CYP39A1: variants seen among roughly 807,000 people sequenced by gnomAD.
The protein encoded by CYP39A1 is 24-hydroxycholesterol 7-alpha-hydroxylase.
A neutral mutation model predicts 58.1 loss-of-function variants in CYP39A1; 49 were observed. The observed-to-expected ratio is 0.84, with a 90% CI of 0.67 to 1.07. The LOEUF is 1.07. Ranked by LOEUF, CYP39A1 falls within the 50% of genes least tolerant of loss-of-function variation. The pLI is 0.00. For synonymous variants in CYP39A1, 209 were observed against 187.6 expected, an observed-to-expected ratio of 1.11 and a Z score of -0.93; for missense variants, 531 against 539.4, an observed-to-expected ratio of 0.98 and a Z score of 0.16.
chr6:46,615,708 A>G (rs1295671534), intron 7 of CYP39A1, among the ~76,000 whole-genome samples: 1 of 151,814 alleles, frequency 6.6e-6, no homozygotes, highest in Non-Finnish European at 1.5e-5. Flanking sequence ...CATTTTTTAG[A>G]AATGTGCTCA....
intron 8 of CYP39A1, among the ~76,000 whole-genome samples, chr6:46,591,282 ACACT>A (rs1772816971): frequency 6.6e-6 from 1 of 152,000 alleles, no homozygotes; most frequent in Non-Finnish European, 1.5e-5. Flanking sequence ...AACCTATGTG[ACACT>A]CATTCTTATT....
chr6:46,572,440 A>C (rs1771641103), intron 10 of CYP39A1, among the ~76,000 whole-genome samples: 1 of 152,220 alleles, frequency 6.6e-6, no homozygotes, highest in South Asian at 2.1e-4. Flanking sequence ...TGCCAGATAT[A>C]TCATTGGTTT....
At chr6:46,557,084 A>G (rs1770700065) in intron 10 of CYP39A1, among the ~76,000 whole-genome samples, 1 of 152,096 alleles carries the variant, frequency 6.6e-6, no homozygotes, top group Non-Finnish European at 1.5e-5. Context: ...GGATTAACAG[A>G]TGGTAAAATG....
intron 7 of CYP39A1, among the ~76,000 whole-genome samples, chr6:46,611,888 T>TA (rs753909886): frequency 1.8e-4 from 28 of 152,338 alleles, no homozygotes; most frequent in Admixed American, 9.8e-4. Context: ...TAATAGTTTT[T>TA]ACCTTAGTAT....
rs140408683 is a variant in CYP39A1 at position 46,549,717 on chromosome 6, A to G, written c.*649T>C. 57 of 152,326 alleles carry G rather than the reference A, an allele frequency of 3.7e-4. No individual in the cohort carries two copies. Among genetic ancestry groups the G allele is most frequent in the African/African-American group, 1.3e-3 (56 of 41,582 alleles). The allele number at this position is 152,326 out of a possible 1,614,324, so 9.4% of individuals were successfully genotyped here. On this transcript the variant is annotated 3_prime_UTR_variant, in exon 12 of 12. Transcript: ENST00000275016. Reference sequence around the variant, plus strand: ...AATATAAATCAATACATCAATCAACATACATTTATTGAATATACTCTGTAA... The same window carrying G: ...AATATAAATCAATACATCAATCAACGTACATTTATTGAATATACTCTGTAA...
intron 5 of CYP39A1, among the ~76,000 whole-genome samples, chr6:46,631,450 A>G (rs9472810): frequency 0.12 from 17,935 of 152,240 alleles, 1,036 homozygotes; most frequent in Middle Eastern, 0.17. Context: ...TGCTTAAAAT[A>G]AAACCTTTCA....
rs1422898490 is a variant in CYP39A1 at position 46,637,930 on chromosome 6, C to T, written c.537G>A (p.Leu179=). 1.2e-6 allele frequency: 2 copies of T among 1,612,918 alleles called. No individual in the cohort carries two copies. The highest frequency in any genetic ancestry group is 3.3e-5 in the Admixed American group (2 of 59,704). ...TGATTTTTTTCTTGTTTGTGGAAAA[C>T]AAACTTTTATTAAAGAGCATATTCA... ...VTVNMLFNKS[L]FSTNKKKIKE... The change falls in exon 4 of 12, where the codon TTG becomes TTA. Residue 179 remains leucine, a synonymous_variant. Coordinates refer to ENST00000275016, the MANE Select transcript of CYP39A1 (RefSeq NM_016593.5).
chr6:46,634,611 T>G (rs1049233511), intron 5 of CYP39A1, among the ~76,000 whole-genome samples: 1 of 145,968 alleles, frequency 6.9e-6, no homozygotes, highest in African/African-American at 2.5e-5. Flanking sequence ...AACCTCCGCC[T>G]CCCAGGTTCA....
At position 46,584,128 on chromosome 6, in the gene CYP39A1, T is replaced by C. The variant is rs182634883; in HGVS notation, c.1250+2949A>G. On this transcript the variant is annotated intron_variant, in intron 10 of 11. Coordinates refer to ENST00000275016, the MANE Select transcript of CYP39A1 (RefSeq NM_016593.5). ...ATTTGCTTTCCTGAACAATTTGCTA[T>C]TTTATTTCTCTTTAGAAACAAAACA... is the stretch of plus-strand genomic sequence containing the variant. 5.2e-3 allele frequency among the ~76,000 whole-genome samples: 790 copies of C among 152,280 alleles called. 5 individuals carry two copies. Among genetic ancestry groups the C allele is most frequent in the Non-Finnish European group, 8.3e-3 (567 of 68,024 alleles).
chr6:46,569,626 A>T (rs2150492603), intron 10 of CYP39A1, among the ~76,000 whole-genome samples: 1 of 152,164 alleles, frequency 6.6e-6, no homozygotes, highest in African/African-American at 2.4e-5. Context: ...CCATTGATAT[A>T]ATCATATAAT....
At chr6:46,609,705 A>G (rs2150547603) in intron 7 of CYP39A1, among the ~76,000 whole-genome samples, 1 of 152,316 alleles carries the variant, frequency 6.6e-6, no homozygotes, top group African/African-American at 2.4e-5. Flanking sequence ...GGCTTGTGCT[A>G]TCATTCCAAG....
At chr6:46,567,209 C>T (rs1443308361) in intron 10 of CYP39A1, among the ~76,000 whole-genome samples, 1 of 152,068 alleles carries the variant, frequency 6.6e-6, no homozygotes, top group Non-Finnish European at 1.5e-5. Context: ...TTAGATTACA[C>T]ATATAGATGA....
At chr6:46,573,253 A>G (rs1771685880) in intron 10 of CYP39A1, among the ~76,000 whole-genome samples, 2 of 152,010 alleles carry the variant, frequency 1.3e-5, no homozygotes, top group Non-Finnish European at 2.9e-5. Flanking sequence ...ATATCTGTGC[A>G]TTTGAGGTAG....
chr6:46,615,466 A>G lies in CYP39A1; in HGVS notation c.931+9952T>C, dbSNP rs528771253. ...CCCCACCTTTCTCATGATACTTCAAACTTGTCTAATGACAGTTTTTTAAAA... is the reference window on the plus strand; with the variant it reads ...CCCCACCTTTCTCATGATACTTCAAGCTTGTCTAATGACAGTTTTTTAAAA... On this transcript the variant is annotated intron_variant, in intron 7 of 11. Transcript: ENST00000275016. Among the ~76,000 whole-genome samples the G allele has an allele frequency of 1.3e-4, 20 of 152,204 alleles. No homozygotes were observed. In the South Asian group the frequency reaches 4.1e-3, roughly 32 times the overall value.
At chr6:46,610,972 A>T (rs1194071570) in intron 7 of CYP39A1, among the ~76,000 whole-genome samples, 2 of 152,240 alleles carry the variant, frequency 1.3e-5, no homozygotes, top group Non-Finnish European at 2.9e-5. Context: ...AAAGCAGCTT[A>T]AAGTATCTGT....
At position 46,639,943 on chromosome 6, in the gene CYP39A1, T is replaced by C. The variant is rs182026332; in HGVS notation, c.314-275A>G. Among the ~76,000 whole-genome samples the C allele has an allele frequency of 9.8e-3, 1,495 of 152,232 alleles. 24 individuals are homozygous for C. The highest frequency in any genetic ancestry group is 0.034 in the African/African-American group (1,403 of 41,532). On this transcript the variant is annotated intron_variant, in intron 2 of 11. Transcript: ENST00000275016. The stretch of plus-strand genomic sequence containing the variant: ...CAGCCTGACCAACATGGTGAAACCC[T>C]GTCTCTACTAAAAATAGGAAAATTA...
chr6:46,552,937 A>ACCAGGGAGGCTGAGGCATGAGAACC, intron 11 of CYP39A1, among the ~76,000 whole-genome samples: 1 of 152,200 alleles, frequency 6.6e-6, no homozygotes, highest in East Asian at 1.9e-4. Context: ...AGGCCCAGTT[A>ACCAGGGAGGCTGAGGCATGAGAACC]CCAGGGAGGC....
At chr6:46,648,990 C>A (rs922242069) in intron 1 of CYP39A1, among the ~76,000 whole-genome samples, 12 of 152,138 alleles carry the variant, frequency 7.9e-5, no homozygotes, top group African/African-American at 2.9e-4. Flanking sequence ...TATAACCAGG[C>A]AGTTTGAAGC....
intron 7 of CYP39A1, among the ~76,000 whole-genome samples, chr6:46,601,951 T>G (rs1326480327): frequency 1.3e-5 from 2 of 152,054 alleles, no homozygotes; most frequent in Non-Finnish European, 2.9e-5. Flanking sequence ...CCAACTAACA[T>G]CTCCCTAATC....
Sources: gnomAD v4.1 joint callset for allele counts (sites outside exome capture counted in the v4.1 genomes callset) on GRCh38, gnomAD v4.1.1 for gene constraint, MANE v1.5 for transcripts, NCBI Gene and HGNC (gene_info 2026-07-23, HGNC 2026-07-21) for gene names.